BECN1: variants seen among roughly 807,000 people sequenced by gnomAD.
BECN1 encodes beclin 1.
BECN1 carries 15 observed loss-of-function variants against 60.1 expected under a neutral mutation model. The observed-to-expected ratio is 0.25, with a 90% CI of 0.17 to 0.38. The LOEUF (loss-of-function observed/expected upper bound fraction) is 0.38, where lower values mean the gene tolerates loss of function less well. BECN1 is among the 10% of genes least tolerant of loss of function. The pLI is 1.00. For missense variants in BECN1, 424 were observed against 548.2 expected (o/e 0.77, Z 2.26); for synonymous variants, 179 against 201.8 (o/e 0.89, Z 0.96).
At position 42,811,843 on chromosome 17, in the gene BECN1, G is replaced by A. The variant is rs1567667487; in HGVS notation, c.1042-46C>T. ...GGCTATGGATCTGGCACCAAGAAAG[G>A]CTTCCAGAGATTGTTCCCAATCCTA... On this transcript the variant is annotated intron_variant, in intron 10 of 11. Coordinates refer to ENST00000590099, the MANE Select transcript of BECN1 (RefSeq NM_001313998.2). 3 of 1,588,964 alleles carry A rather than the reference G, an allele frequency of 1.9e-6. No individual in the cohort carries two copies. In the East Asian group the frequency reaches 6.7e-5, roughly 36 times the overall value.
At chr17:42,814,793 A>G (rs2055111088) in intron 8 of BECN1, 120 bp from the exon 9 acceptor site, 1 of 1,273,172 alleles carries the variant, frequency 7.9e-7, no homozygotes, top group Non-Finnish European at 1.1e-6. Flanking sequence ...TGCAAGCTGT[A>G]CTTGGCACTT....
At chr17:42,823,711 C>T (rs1007660703) in intron 2 of BECN1, 37 bp downstream of exon 2, 7 of 1,604,272 alleles carry the variant, frequency 4.4e-6, no homozygotes, top group South Asian at 2.2e-5. Flanking sequence ...CCACCTTCCA[C>T]ATTCTTGACC....
At chr17:42,811,098 G>A in intron 11 of BECN1, 170 bp from the exon 12 acceptor site, 3 of 619,612 alleles carry the variant, frequency 4.8e-6, no homozygotes, top group Non-Finnish European at 7.8e-6. Context: ...CAAGAAGACT[G>A]TCACAAGAGC....
rs2055199978 is a variant in BECN1 at position 42,818,792 on chromosome 17, G to A, written c.346C>T (p.Leu116=). Residue 116 remains leucine (L), a synonymous_variant, in exon 5 of 12, where the codon CTG becomes TTG. Coordinates refer to ENST00000590099, the MANE Select transcript of BECN1 (RefSeq NM_001313998.2). ...GGTMENLSRR[L]KVTGDLFDIM... is the part of the protein sequence containing the mutation. Reference sequence around the variant, plus strand: ...CCGGAATGGGGCCGACTTGCCTTCAGTCTTCGGCTGAGGTTCTCCATGGTG... The same window carrying A: ...CCGGAATGGGGCCGACTTGCCTTCAATCTTCGGCTGAGGTTCTCCATGGTG... 10 of 1,614,154 alleles carry A rather than the reference G, an allele frequency of 6.2e-6. No individual in the cohort carries two copies. The highest frequency in any genetic ancestry group is 8.5e-6 in the Non-Finnish European group (10 of 1,180,022).
Position 42,818,606 on chromosome 17 carries a change from A to T in BECN1, c.426T>A (p.Asp142Glu). 6.2e-7 allele frequency: 1 copy of T among 1,614,152 alleles called. No individual in the cohort carries two copies. The highest frequency in any genetic ancestry group is 8.5e-7 in the Non-Finnish European group (1 of 1,180,014). ...GAGTGTCCAGCTGGTCTAAAAGAGT[A>T]TCTGTGCATTCCTCACAGAGTGGGT... ...VDHPLCEECT[D>E]TLLDQLDTQL... The change falls in exon 6 of 12, where the codon GAT (aspartate) becomes GAA (glutamate). Residue 142 changes from aspartate to glutamate, a missense_variant. Coordinates refer to ENST00000590099, the MANE Select transcript of BECN1 (RefSeq NM_001313998.2).
chr17:42,818,471 T>G, intron 6 of BECN1, 56 bp from the exon 7 acceptor site: 4 of 1,612,040 alleles, frequency 2.5e-6, no homozygotes, highest in Middle Eastern at 3.3e-4. Flanking sequence ...CTGAGTGGAG[T>G]ACGGCTCTTG....
Position 42,810,469 on chromosome 17 carries a change from TAAAAA to T in BECN1, c.*286_*290del, listed in dbSNP as rs1042066751. ...CACATCAATCTCAATTCAACTCAGT[TAAAAA>T]AAAGAAAAGCAAATTTAAATTAGTT... is the stretch of plus-strand genomic sequence containing the variant. On this transcript the variant is annotated 3_prime_UTR_variant, in exon 12 of 12. Transcript: ENST00000590099. 2 of 207,636 alleles carry T rather than the reference TAAAAA, an allele frequency of 9.6e-6. No individual in the cohort carries two copies. The highest frequency in any genetic ancestry group is 4.6e-5 in the African/African-American group (2 of 43,356). The allele number at this position is 207,636 out of a possible 1,614,324, so 12.9% of individuals were successfully genotyped here.
Position 42,818,243 on chromosome 17 carries a change from T to C in BECN1, c.661A>G (p.Arg221Gly). ...NLEKVQAEAE[R>G]LDQEEAQYQR... ...CACTGAGCTTCCTCCTGATCCAGTC[T>C]CTCAGCCTCAGCCTGGACCTTCTCG... is the stretch of plus-strand genomic sequence containing the variant. Residue 221 changes from arginine (R) to glycine (G), a missense_variant, in exon 7 of 12, where the codon AGA (arginine) becomes GGA (glycine). This residue lies in a region of BECN1 where 326 missense variants were observed against 406.2 expected (regional missense o/e 0.80). Coordinates refer to ENST00000590099, the MANE Select transcript of BECN1 (RefSeq NM_001313998.2). 6.2e-7 allele frequency: 1 copy of C among 1,614,164 alleles called. No individual in the cohort carries two copies. Among genetic ancestry groups the C allele is most frequent in the East Asian group, 2.2e-5 (1 of 44,886 alleles).
At chr17:42,816,689 G>A (rs1046686039) in intron 7 of BECN1, among the ~76,000 whole-genome samples, 1 of 151,482 alleles carries the variant, frequency 6.6e-6, no homozygotes, top group African/African-American at 2.4e-5. Context: ...GCTTCTTCTG[G>A]GCCGGGTGCA....
chr17:42,817,395 T>C (rs1459874082), intron 7 of BECN1, among the ~76,000 whole-genome samples: 2 of 152,186 alleles, frequency 1.3e-5, no homozygotes, highest in Admixed American at 6.5e-5. Context: ...CTTTAAATAG[T>C]TACTATACCC....
chr17:42,810,775 T>C lies in BECN1; in HGVS notation c.1338A>G (p.Gln446=), dbSNP rs2054980774. The C allele has an allele frequency of 1.2e-6, 2 of 1,608,880 alleles. No homozygotes were observed. Among genetic ancestry groups the C allele is most frequent in the Non-Finnish European group, 1.7e-6 (2 of 1,177,780 alleles). Residue 446 remains glutamine, a synonymous_variant, in exon 12 of 12, where the codon CAA becomes CAG. Coordinates refer to ENST00000590099, the MANE Select transcript of BECN1 (RefSeq NM_001313998.2). ...AGGAAAAAAGTCATTTGTTATAAAATTGTGAGGACACCCAAGCAAGACCCC... is the reference window on the plus strand; with the variant it reads ...AGGAAAAAAGTCATTTGTTATAAAACTGTGAGGACACCCAAGCAAGACCCC... ...LKWGLAWVSS[Q]FYNK is the part of the protein sequence containing the mutation.
Position 42,824,189 on chromosome 17 carries a change from C to G in BECN1, c.-37G>C. On this transcript the variant is annotated 5_prime_UTR_variant, in exon 1 of 12. It removes the in-frame stop codon of an upstream open reading frame in the 5' UTR. Coordinates refer to ENST00000590099, the MANE Select transcript of BECN1 (RefSeq NM_001313998.2). ...CCGGAGCCCGTCACCCAAGTCCGGT[C>G]TACCGCGGAGGCACTGTGGCCTCGG... is the stretch of plus-strand genomic sequence containing the variant. 4.7e-6 allele frequency: 2 copies of G among 425,146 alleles called. No individual in the cohort carries two copies. Among genetic ancestry groups the G allele is most frequent in the Non-Finnish European group, 8.3e-6 (2 of 239,610 alleles). 26.3% of individuals were successfully genotyped at this position (425,146 alleles called of 1,614,324 possible). A position where few individuals can be genotyped will look rare whatever the true frequency, so the allele number is the denominator to read the frequency against.
rs2054974199 is a variant in BECN1 at position 42,810,558 on chromosome 17, C to G, written c.*202G>C. On this transcript the variant is annotated 3_prime_UTR_variant, in exon 12 of 12. Transcript: ENST00000590099. Reference sequence around the variant, plus strand: ...GGTTAAGAATCAAAACTGACCAGGGCTGGCAACTATAGATGGCATGTTGTA... The same window carrying G: ...GGTTAAGAATCAAAACTGACCAGGGGTGGCAACTATAGATGGCATGTTGTA... 2 of 451,780 alleles carry G rather than the reference C, an allele frequency of 4.4e-6. No individual in the cohort carries two copies. The highest frequency in any genetic ancestry group is 7.4e-6 in the Non-Finnish European group (2 of 269,168). The allele number at this position is 451,780 out of a possible 1,614,324, so 28.0% of individuals were successfully genotyped here.
At chr17:42,816,377 C>A (rs1475107972) in intron 7 of BECN1, among the ~76,000 whole-genome samples, 1 of 152,216 alleles carries the variant, frequency 6.6e-6, no homozygotes, top group South Asian at 2.1e-4. Flanking sequence ...TGGGGCCAGG[C>A]GTGGTGGCTC....
chr17:42,810,702 T>C lies in BECN1; in HGVS notation c.*58A>G. On this transcript the variant is annotated 3_prime_UTR_variant, in exon 12 of 12. Transcript: ENST00000590099. The stretch of plus-strand genomic sequence containing the variant: ...TTACCCGAATTTAATTTAAAACATG[T>C]TTGCAAACAAAACAAAATTAAAAGC... 6.6e-7 allele frequency: 1 copy of C among 1,503,858 alleles called. No homozygotes were observed. The highest frequency in any genetic ancestry group is 9.0e-7 in the Non-Finnish European group (1 of 1,116,338). 93.2% of individuals were successfully genotyped at this position (1,503,858 alleles called of 1,614,324 possible).
intron 10 of BECN1, chr17:42,812,743 T>C (rs1214490667): frequency 7.2e-6 from 1 of 138,792 alleles, no homozygotes; most frequent in Non-Finnish European, 1.6e-5. Context: ...TAAATAAAAA[T>C]AATAAAAAAT....
intron 7 of BECN1, 104 bp downstream of exon 7, chr17:42,818,117 C>A: frequency 7.9e-7 from 1 of 1,258,794 alleles, no homozygotes; most frequent in Non-Finnish European, 1.1e-6. Context: ...ATGCTGCTGA[C>A]TGACAGCTGA....
chr17:42,812,981 C>T (rs2055060635), intron 10 of BECN1: 1 of 148,504 alleles, frequency 6.7e-6, no homozygotes, highest in African/African-American at 2.5e-5. Context: ...ACCACAGGCA[C>T]CTGCCACCAC....
Position 42,819,653 on chromosome 17 carries a change from G to T in BECN1, c.199-44C>A, listed in dbSNP as rs761484600. 3.8e-6 allele frequency: 6 copies of T among 1,594,228 alleles called. No homozygotes were observed. The Admixed American group carries it at 8.5e-5, about 23-fold the overall frequency. ...GGCATTACAACTCTGGCAGCTTAGA[G>T]GTAGAGTTCATCTCCCAAACAGCCT... On this transcript the variant is annotated intron_variant, in intron 3 of 11. Coordinates refer to ENST00000590099, the MANE Select transcript of BECN1 (RefSeq NM_001313998.2).
Sources: gnomAD v4.1 joint callset for allele counts (sites outside exome capture counted in the v4.1 genomes callset) on GRCh38, gnomAD v4.1.1 for gene constraint, gnomAD v4.1.1 regional missense constraint, MANE v1.5 for transcripts, NCBI Gene and HGNC (gene_info 2026-07-23, HGNC 2026-07-21) for gene names.